The following GABBR2 variants were observed in gnomAD, a reference collection of about 807,000 sequenced individuals.
GABBR2 encodes G-protein coupled receptor 51.
In GABBR2, 23 loss-of-function variants were observed where a neutral mutation model predicts 105.6. The observed-to-expected ratio is 0.22, with a 90% CI of 0.16 to 0.31. GABBR2 has a LOEUF of 0.31. Among genes scored for constraint, GABBR2 ranks in the 10% least tolerant of loss-of-function variants. GABBR2 has a pLI of 1.00. For missense variants in GABBR2, 734 were observed against 1,245.5 expected (o/e 0.59, Z 6.18); for synonymous variants, 478 against 499.7 (o/e 0.96, Z 0.58).
intron 6 of GABBR2, among the ~76,000 whole-genome samples, chr9:98,455,659 AACC>A (rs1334940247): frequency 2.6e-5 from 4 of 152,214 alleles, no homozygotes; most frequent in African/African-American, 9.7e-5. Flanking sequence ...GCTTTTTGAA[AACC>A]ACCACAAGTT....
chr9:98,627,820 G>A (rs138148937), intron 1 of GABBR2, among the ~76,000 whole-genome samples: 182 of 152,308 alleles, frequency 1.2e-3, no homozygotes, highest in African/African-American at 3.8e-3. Flanking sequence ...CTAGTCTAGC[G>A]CCTCTATTTG....
At chr9:98,406,438 C>T (rs994979018) in intron 7 of GABBR2, among the ~76,000 whole-genome samples, 7 of 152,236 alleles carry the variant, frequency 4.6e-5, no homozygotes, top group South Asian at 4.1e-4. Flanking sequence ...CCCACGTGTC[C>T]GTGCTATAAT....
intron 3 of GABBR2, among the ~76,000 whole-genome samples, chr9:98,530,230 G>T (rs1484763232): frequency 2.0e-5 from 3 of 152,180 alleles, no homozygotes; most frequent in African/African-American, 7.2e-5. Flanking sequence ...AAAATTAAAT[G>T]CAGGATCCCA....
chr9:98,409,443 C>A (rs950365883), intron 7 of GABBR2, among the ~76,000 whole-genome samples: 1 of 152,180 alleles, frequency 6.6e-6, no homozygotes, highest in Non-Finnish European at 1.5e-5. Context: ...TCTGTCCCTC[C>A]ACAGCTCAGA....
intron 7 of GABBR2, among the ~76,000 whole-genome samples, chr9:98,434,417 C>T (rs181070382): frequency 3.3e-4 from 50 of 152,268 alleles, no homozygotes; most frequent in Non-Finnish European, 6.0e-4. Flanking sequence ...AGCTCTGGGC[C>T]AGTCAGTGGT....
intron 6 of GABBR2, among the ~76,000 whole-genome samples, chr9:98,463,974 T>C (rs1434380723): frequency 6.6e-6 from 1 of 152,178 alleles, no homozygotes; most frequent in African/African-American, 2.4e-5. Context: ...GGCGTGATCT[T>C]GGCTCGCTAC....
At chr9:98,322,758 G>A (rs1476172259) in intron 13 of GABBR2, among the ~76,000 whole-genome samples, 3 of 151,958 alleles carry the variant, frequency 2.0e-5, no homozygotes, top group Non-Finnish European at 4.4e-5. Flanking sequence ...TTCATAGGAC[G>A]GTGAAGTTCG....
rs575558880 is a variant in GABBR2, at chr9:98,321,321, C to A, written c.1894-10116G>T. 1.6e-4 allele frequency among the ~76,000 whole-genome samples: 24 copies of A among 152,254 alleles called. No individual in the cohort carries two copies. In the East Asian group the frequency reaches 4.6e-3, roughly 29 times the overall value. ...CTTCCCCTCAGAGGCCCCCTCCATG[C>A]CCACATTCAGTGATTCCATGGTAGC... On this transcript the variant is annotated intron_variant, in intron 13 of 18. Coordinates refer to ENST00000259455, the MANE Select transcript of GABBR2 (RefSeq NM_005458.8).
At chr9:98,438,134 C>T (rs532291807) in intron 7 of GABBR2, among the ~76,000 whole-genome samples, 2 of 150,024 alleles carry the variant, frequency 1.3e-5, no homozygotes, top group South Asian at 4.2e-4. Context: ...CCATATTTAC[C>T]TACCCACACG....
At chr9:98,470,885 T>C (rs762908903) in intron 6 of GABBR2, among the ~76,000 whole-genome samples, 2 of 152,316 alleles carry the variant, frequency 1.3e-5, no homozygotes, top group East Asian at 3.9e-4. Flanking sequence ...ATTTCAGGCT[T>C]AGTCCCAGCC....
At chr9:98,697,513 A>C (rs1830772619) in intron 1 of GABBR2, among the ~76,000 whole-genome samples, 1 of 148,766 alleles carries the variant, frequency 6.7e-6, no homozygotes, top group African/African-American at 2.5e-5. Context: ...AAGAGTAAGG[A>C]CTTCATAGGA....
intron 1 of GABBR2, among the ~76,000 whole-genome samples, chr9:98,625,691 G>A (rs922369844): frequency 6.6e-6 from 1 of 152,178 alleles, no homozygotes; most frequent in Non-Finnish European, 1.5e-5. Flanking sequence ...TGATGTCAGA[G>A]GTTCCCTCCG....
chr9:98,479,101 C>T (rs1334827054), intron 5 of GABBR2, among the ~76,000 whole-genome samples: 2 of 152,124 alleles, frequency 1.3e-5, no homozygotes, highest in African/African-American at 4.8e-5. Flanking sequence ...TCTATATTTT[C>T]TATTTTTCTC....
intron 7 of GABBR2, among the ~76,000 whole-genome samples, chr9:98,438,343 T>C (rs1488249361): frequency 6.7e-6 from 1 of 149,528 alleles, no homozygotes; most frequent in Non-Finnish European, 1.5e-5. Context: ...TCTCCACCAC[T>C]CTACCCATCT....
At chr9:98,659,881 G>A (rs1308002331) in intron 1 of GABBR2, among the ~76,000 whole-genome samples, 1 of 151,952 alleles carries the variant, frequency 6.6e-6, no homozygotes, top group Non-Finnish European at 1.5e-5. Flanking sequence ...AAAAAAAAAT[G>A]ATGCTGTAGT....
intron 1 of GABBR2, among the ~76,000 whole-genome samples, chr9:98,686,087 G>A (rs147300895): frequency 2.0e-5 from 3 of 151,466 alleles, no homozygotes; most frequent in African/African-American, 4.9e-5. Context: ...ACCAAGACCC[G>A]TGTGAAGCTG....
intron 7 of GABBR2, among the ~76,000 whole-genome samples, chr9:98,426,359 C>A (rs1201985235): frequency 6.6e-6 from 1 of 152,200 alleles, no homozygotes. Context: ...TCTCCATTTG[C>A]AAAATGGTGT....
chr9:98,700,659 T>C lies in GABBR2; in HGVS notation c.321+7758A>G, dbSNP rs371836723. 1.5e-3 allele frequency among the ~76,000 whole-genome samples: 225 copies of C among 152,336 alleles called. 1 individual carries two copies. Among genetic ancestry groups the C allele is most frequent in the African/African-American group, 5.2e-3 (215 of 41,570 alleles). ...GCATCTCCTTCCTGAAGGACCCCAA[T>C]TGACAAGTGTCCATGGCATCCATAT... On this transcript the variant is annotated intron_variant, in intron 1 of 18. Transcript: ENST00000259455.
chr9:98,446,161 T>C (rs1826124281), intron 7 of GABBR2, among the ~76,000 whole-genome samples: 1 of 152,206 alleles, frequency 6.6e-6, no homozygotes, highest in Non-Finnish European at 1.5e-5. Flanking sequence ...TGAGATTATA[T>C]ATATGAAACA....
Sources: allele counts gnomAD v4.1 joint callset (sites outside exome capture counted in the v4.1 genomes callset), GRCh38; gene constraint gnomAD v4.1.1; transcripts MANE v1.5; gene names NCBI Gene and HGNC (gene_info 2026-07-23, HGNC 2026-07-21).